MYO16: variants seen among roughly 807,000 people sequenced by gnomAD.
MYO16 encodes unconventional myosin-XVI.
Under a neutral mutation model 205.3 loss-of-function variants are expected in MYO16, and 94 were observed. The ratio of observed to expected loss-of-function variants is 0.46; its 90% CI spans 0.39 to 0.54. The LOEUF is 0.54. Ranked by LOEUF, MYO16 falls within the 20% of genes least tolerant of loss-of-function variation. MYO16 has a pLI of 0.00. For missense variants in MYO16, 2,315 were observed against 2,387.5 expected, an observed-to-expected ratio of 0.97 and a Z score of 0.63; for synonymous variants, 988 against 954.0, an observed-to-expected ratio of 1.04 and a Z score of -0.66.
chr13:109,070,628 T>A (rs1225134756), intron 27 of MYO16, among the ~76,000 whole-genome samples: 1 of 152,176 alleles, frequency 6.6e-6, no homozygotes, highest in Non-Finnish European at 1.5e-5. Context: ...TTAATAATAG[T>A]CTTTCTCCCC....
intron 10 of MYO16, chr13:108,855,214 CTGCACACTGGGGA>C: frequency 2.5e-6 from 1 of 393,490 alleles, no homozygotes; most frequent in South Asian, 6.7e-5. Context: ...GTGTGTGCAC[CTGCACACTGGGGA>C]GTATAGCACA....
At chr13:108,698,305 T>C (rs751784349) in intron 2 of MYO16, among the ~76,000 whole-genome samples, 5 of 152,004 alleles carry the variant, frequency 3.3e-5, no homozygotes, top group African/African-American at 4.8e-5. Flanking sequence ...AGAAAAGGAG[T>C]GTGGACAGAT....
rs933469266 is a variant in MYO16, at chr13:109,114,745, T to C, written c.3439-5625T>C. Among the ~76,000 whole-genome samples the C allele has an allele frequency of 7.9e-5, 12 of 152,350 alleles. No homozygotes were observed. In the South Asian group the frequency reaches 1.9e-3, roughly 24 times the overall value. ...TATGTTGTTTTAATTGACGTGTCCT[T>C]CTTCTGTCAAAGCAGAACCATGTGA... On this transcript the variant is annotated intron_variant, in intron 28 of 34. Coordinates refer to ENST00000457511, the MANE Select transcript of MYO16 (RefSeq NM_001198950.3).
intron 6 of MYO16, among the ~76,000 whole-genome samples, chr13:108,797,848 A>G (rs940693338): frequency 1.3e-5 from 2 of 152,256 alleles, no homozygotes; most frequent in East Asian, 1.9e-4. Context: ...ACTGCTAAAT[A>G]AAAGAGCATA....
At chr13:108,747,966 T>C (rs1885118987) in intron 4 of MYO16, among the ~76,000 whole-genome samples, 1 of 152,022 alleles carries the variant, frequency 6.6e-6, no homozygotes, top group African/African-American at 2.4e-5. Context: ...AAAAAGTGAG[T>C]AAATGTCCAC....
At chr13:109,016,343 A>T (rs143227302) in intron 22 of MYO16, among the ~76,000 whole-genome samples, 2,568 of 152,058 alleles carry the variant, frequency 0.017, 76 homozygotes, top group African/African-American at 0.059. Context: ...TGTTGTGATT[A>T]CTGTTCTTTT....
At chr13:108,952,966 T>C (rs1952749606) in intron 16 of MYO16, among the ~76,000 whole-genome samples, 1 of 152,178 alleles carries the variant, frequency 6.6e-6, no homozygotes, top group East Asian at 1.9e-4. Flanking sequence ...TTGATTTATC[T>C]AGGATGTTTC....
intron 32 of MYO16, among the ~76,000 whole-genome samples, chr13:109,160,477 G>C (rs1378361837): frequency 1.3e-5 from 2 of 152,146 alleles, no homozygotes; most frequent in African/African-American, 2.4e-5. Context: ...CGAGGTCACA[G>C]AGAAATCTTG....
chr13:109,148,023 A>AT (rs56353934), intron 32 of MYO16, among the ~76,000 whole-genome samples: 5 of 151,724 alleles, frequency 3.3e-5, no homozygotes, highest in East Asian at 1.9e-4. Flanking sequence ...GAAGAAAAGG[A>AT]TTTTTTTTCT....
At chr13:108,889,964 C>T (rs1266613348) in intron 14 of MYO16, among the ~76,000 whole-genome samples, 2 of 152,104 alleles carry the variant, frequency 1.3e-5, no homozygotes, top group East Asian at 3.9e-4. Flanking sequence ...CAGGGTCTTG[C>T]TCTGTCACAC....
chr13:109,103,862 G>A (rs1446952567), intron 28 of MYO16, among the ~76,000 whole-genome samples: 4 of 152,148 alleles, frequency 2.6e-5, no homozygotes, highest in Non-Finnish European at 4.4e-5. Flanking sequence ...TCACAGGTTT[G>A]TAGTCGCACA....
intron 2 of MYO16, among the ~76,000 whole-genome samples, chr13:108,690,945 C>G (rs1394374145): frequency 6.6e-6 from 1 of 152,194 alleles, no homozygotes; most frequent in Non-Finnish European, 1.5e-5. Context: ...TCATACCTAA[C>G]TGTGATGTAA....
At chr13:108,538,098 A>G in the MYO16 span, among the ~76,000 whole-genome samples, 1 of 152,228 alleles carries the variant, frequency 6.6e-6, no homozygotes, top group South Asian at 2.1e-4. Flanking sequence ...CAATGTCCAG[A>G]AGAGTTTTTT....
chr13:108,967,183 A>G (rs1002982225), intron 20 of MYO16, among the ~76,000 whole-genome samples: 12 of 135,894 alleles, frequency 8.8e-5, no homozygotes, highest in Non-Finnish European at 1.5e-4. Flanking sequence ...GTGTGTGTGT[A>G]TGTATTTGTA....
intron 23 of MYO16, among the ~76,000 whole-genome samples, chr13:109,032,349 C>T (rs1293882643): frequency 6.6e-6 from 1 of 152,172 alleles, no homozygotes; most frequent in Non-Finnish European, 1.5e-5. Context: ...ACAGCTCAGG[C>T]CGCTGCAGCA....
intron 21 of MYO16, among the ~76,000 whole-genome samples, chr13:108,993,641 T>C (rs1884911182): frequency 6.6e-6 from 1 of 152,174 alleles, no homozygotes; most frequent in Non-Finnish European, 1.5e-5. Context: ...CTCTTCTCCT[T>C]TCATAGTTTT....
At chr13:108,753,224 G>T (rs1376033809) in intron 4 of MYO16, among the ~76,000 whole-genome samples, 1 of 151,816 alleles carries the variant, frequency 6.6e-6, no homozygotes, top group Non-Finnish European at 1.5e-5. Flanking sequence ...AAAAAAATTA[G>T]CCGGGTGTGT....
chr13:109,004,048 C>T (rs768403247), intron 21 of MYO16, among the ~76,000 whole-genome samples: 6 of 152,108 alleles, frequency 3.9e-5, no homozygotes, highest in Non-Finnish European at 7.4e-5. Context: ...TCCTGTTTAT[C>T]GAACTTCTTA....
At chr13:108,821,153 T>C (rs946683247) in intron 8 of MYO16, among the ~76,000 whole-genome samples, 1 of 152,088 alleles carries the variant, frequency 6.6e-6, no homozygotes, top group African/African-American at 2.4e-5. Context: ...AATAACTTTA[T>C]AAATACATTA....
Sources: gnomAD v4.1 joint callset for allele counts (sites outside exome capture counted in the v4.1 genomes callset) on GRCh38, gnomAD v4.1.1 for gene constraint, MANE v1.5 for transcripts, NCBI Gene and HGNC (gene_info 2026-07-23, HGNC 2026-07-21) for gene names.